Variants in EPHA3 observed in about 807,000 individuals in gnomAD.
EPHA3 encodes ephrin type-A receptor 3.
In EPHA3, 42 loss-of-function variants were observed where a neutral mutation model predicts 107.1. That is an observed-to-expected ratio of 0.39 (90% confidence interval 0.31 to 0.51). EPHA3 has a LOEUF of 0.51. Among genes scored for constraint, EPHA3 ranks in the 20% least tolerant of loss-of-function variants. The probability of loss-of-function intolerance (pLI) is 0.78; values close to 1 mark genes in which losing one functional copy is unlikely to be tolerated. For synonymous variants in EPHA3, 461 were observed against 424.8 expected (o/e 1.09, Z -1.05); for missense variants, 1,183 against 1,211.2 (o/e 0.98, Z 0.35).
At chr3:89,292,025 T>G (rs1214463531) in intron 3 of EPHA3, among the ~76,000 whole-genome samples, 2 of 152,180 alleles carry the variant, frequency 1.3e-5, no homozygotes, top group African/African-American at 4.8e-5. Context: ...TTAGTCTCTC[T>G]GAGAATAGTA....
chr3:89,206,298 T>C (rs960025738), intron 2 of EPHA3, among the ~76,000 whole-genome samples: 9 of 152,194 alleles, frequency 5.9e-5, no homozygotes, highest in African/African-American at 2.2e-4. Context: ...ATAATTAAAA[T>C]CATATTTTAC....
At chr3:89,404,818 A>G (rs1417764971) in intron 7 of EPHA3, among the ~76,000 whole-genome samples, 1 of 152,132 alleles carries the variant, frequency 6.6e-6, no homozygotes, top group African/African-American at 2.4e-5. Flanking sequence ...ACTGAGCTTT[A>G]TTTTATAAGC....
chr3:89,293,660 T>C (rs1336455209), intron 3 of EPHA3, among the ~76,000 whole-genome samples: 1 of 152,048 alleles, frequency 6.6e-6, no homozygotes, highest in Non-Finnish European at 1.5e-5. Flanking sequence ...TTTAAAAGAG[T>C]GTGGCACTTC....
intron 8 of EPHA3, 147 bp downstream of exon 8, chr3:89,407,518 C>T (rs746170576): frequency 6.2e-6 from 4 of 644,912 alleles, no homozygotes; most frequent in Middle Eastern, 3.0e-4. Context: ...TCTCTTTCTC[C>T]TCCTTTTCTT....
At chr3:89,455,462 A>G (rs549915298) in intron 15 of EPHA3, among the ~76,000 whole-genome samples, 10 of 152,374 alleles carry the variant, frequency 6.6e-5, no homozygotes, top group African/African-American at 2.2e-4. Context: ...CAGAAGCCAG[A>G]GCACTTGAGG....
chr3:89,302,773 G>A (rs1266635230), intron 3 of EPHA3, among the ~76,000 whole-genome samples: 6 of 152,068 alleles, frequency 3.9e-5, no homozygotes, highest in Admixed American at 3.9e-4. Flanking sequence ...TATGTCTCAA[G>A]TTCTGAATAA....
chr3:89,173,309 G>C, intron 2 of EPHA3, among the ~76,000 whole-genome samples: 1 of 151,864 alleles, frequency 6.6e-6, no homozygotes, highest in East Asian at 1.9e-4. Context: ...AATTTAATTT[G>C]GAATTCCTAA....
chr3:89,457,798 G>C (rs188612880), intron 15 of EPHA3, among the ~76,000 whole-genome samples: 4 of 152,208 alleles, frequency 2.6e-5, no homozygotes, highest in African/African-American at 7.2e-5. Flanking sequence ...ATTCATACGA[G>C]AGAATTAAGC....
chr3:89,414,398 A>G (rs1709209072), intron 10 of EPHA3, among the ~76,000 whole-genome samples: 2 of 151,832 alleles, frequency 1.3e-5, no homozygotes, highest in East Asian at 1.9e-4. Context: ...CTTTTTTACA[A>G]TCTAAGACTT....
At chr3:89,319,513 G>A (rs1206118952) in intron 3 of EPHA3, among the ~76,000 whole-genome samples, 2 of 151,948 alleles carry the variant, frequency 1.3e-5, no homozygotes, top group East Asian at 3.9e-4. Context: ...ATAGAAGCAT[G>A]CACAGATGTT....
At chr3:89,310,954 A>AT (rs1706751670) in intron 3 of EPHA3, among the ~76,000 whole-genome samples, 1 of 151,982 alleles carries the variant, frequency 6.6e-6, no homozygotes, top group South Asian at 2.1e-4. Context: ...CTAGGTTCTT[A>AT]TCCTGACTCT....
chr3:89,306,699 T>C (rs1706630689), intron 3 of EPHA3, among the ~76,000 whole-genome samples: 1 of 152,152 alleles, frequency 6.6e-6, no homozygotes, highest in Non-Finnish European at 1.5e-5. Context: ...TAGCCATCCA[T>C]TCATAGCAAA....
At chr3:89,126,049 T>C (rs1167916533) in intron 1 of EPHA3, among the ~76,000 whole-genome samples, 3 of 151,742 alleles carry the variant, frequency 2.0e-5, no homozygotes, top group Non-Finnish European at 4.4e-5. Context: ...GATGGTGCTT[T>C]TCATGTATCA....
At chr3:89,300,220 TA>T (rs796914013) in intron 3 of EPHA3, among the ~76,000 whole-genome samples, 5 of 152,138 alleles carry the variant, frequency 3.3e-5, no homozygotes, top group African/African-American at 1.2e-4. Flanking sequence ...ATTATTTTTT[TA>T]ATCAGGAAGA....
At chr3:89,454,197 C>A (rs1020157659) in intron 15 of EPHA3, among the ~76,000 whole-genome samples, 1 of 152,126 alleles carries the variant, frequency 6.6e-6, no homozygotes, top group Admixed American at 6.6e-5. Flanking sequence ...GTCAATATTA[C>A]CCCTGCTGGC....
chr3:89,321,313 G>T (rs185712998), intron 3 of EPHA3, among the ~76,000 whole-genome samples: 1 of 151,282 alleles, frequency 6.6e-6, no homozygotes, highest in East Asian at 1.9e-4. Context: ...AAACAGTGCC[G>T]ATCAGAAGTA....
chr3:89,398,521 A>C (rs1708893540), intron 6 of EPHA3, among the ~76,000 whole-genome samples: 1 of 152,200 alleles, frequency 6.6e-6, no homozygotes, highest in Non-Finnish European at 1.5e-5. Flanking sequence ...AATACAGTTA[A>C]GCTAAAAATA....
At chr3:89,286,136 G>GTC (rs1390853171) in intron 3 of EPHA3, among the ~76,000 whole-genome samples, 1 of 151,124 alleles carries the variant, frequency 6.6e-6, no homozygotes, top group Non-Finnish European at 1.5e-5. Flanking sequence ...GTGTGTGTGT[G>GTC]TGTGTGTGTG....
chr3:89,232,357 G>A (rs1366149625), intron 3 of EPHA3, among the ~76,000 whole-genome samples: 5 of 152,086 alleles, frequency 3.3e-5, no homozygotes, highest in African/African-American at 7.2e-5. Context: ...CCAGGCTGGC[G>A]GAGGCGGGAG....
Sources: allele counts gnomAD v4.1 joint callset (sites outside exome capture counted in the v4.1 genomes callset), GRCh38; gene constraint gnomAD v4.1.1; transcripts MANE v1.5; gene names NCBI Gene and HGNC (gene_info 2026-07-23, HGNC 2026-07-21).